Variants in HHAT observed in about 807,000 individuals in gnomAD.
The protein encoded by HHAT is hedgehog acyltransferase, also known as protein-cysteine N-palmitoyltransferase HHAT.
HHAT carries 47 observed loss-of-function variants against 70.8 expected under a neutral mutation model. The ratio of observed to expected loss-of-function variants is 0.66; its 90% CI spans 0.53 to 0.85. The LOEUF is 0.85. Among genes scored for constraint, HHAT ranks in the 40% least tolerant of loss-of-function variants. The pLI is 0.00. For missense variants in HHAT, 609 were observed against 604.8 expected (o/e 1.01, Z -0.07); for synonymous variants, 228 against 247.6 (o/e 0.92, Z 0.74).
Position 210,557,835 on chromosome 1 carries a change from A to G in HHAT, c.1044-30063A>G, listed in dbSNP as rs556135533. 3.8e-4 allele frequency among the ~76,000 whole-genome samples: 58 copies of G among 152,278 alleles called. 2 individuals are homozygous for G. The highest frequency in any genetic ancestry group is 1.3e-3 in the African/African-American group (56 of 41,558). On this transcript the variant is annotated intron_variant, in intron 9 of 11. Transcript: ENST00000261458. ...TGAAATTTGGGTGGGAACACAGCCA[A>G]ACCCTATCACCTGTCAAGGAAGAAG...
chr1:210,421,158 A>G (rs562557942), intron 7 of HHAT, among the ~76,000 whole-genome samples: 55 of 152,312 alleles, frequency 3.6e-4, no homozygotes, highest in Admixed American at 1.2e-3. Context: ...GTGGAACCAC[A>G]AAAGATCCTG....
intron 11 of HHAT, among the ~76,000 whole-genome samples, chr1:210,624,074 TG>T (rs2148875745): frequency 6.6e-6 from 1 of 151,964 alleles, no homozygotes; most frequent in African/African-American, 2.4e-5. Flanking sequence ...CTTTAAGAGG[TG>T]ATTGGATCAT....
intron 11 of HHAT, among the ~76,000 whole-genome samples, chr1:210,625,848 G>A (rs1308925336): frequency 6.6e-6 from 1 of 152,192 alleles, no homozygotes; most frequent in Non-Finnish European, 1.5e-5. Context: ...ACATGAGACT[G>A]GTGCACCAGG....
chr1:210,540,483 A>C (rs1298373180), intron 9 of HHAT, among the ~76,000 whole-genome samples: 1 of 99,928 alleles, frequency 1.0e-5, no homozygotes, highest in Admixed American at 9.6e-5. Flanking sequence ...ACACACATGC[A>C]CACACACGCA....
intron 3 of HHAT, among the ~76,000 whole-genome samples, chr1:210,366,802 TCCTCTTCTGGATTGGGGCTCACG>T (rs1461942779): frequency 2.0e-5 from 3 of 152,162 alleles, no homozygotes; most frequent in Admixed American, 6.5e-5. Flanking sequence ...CTCATCCTGT[TCCTCTTCTGGATTGGGGCTCACG>T]CCTTCCCTGT....
chr1:210,332,125 A>C (rs1242804610), intron 1 of HHAT, among the ~76,000 whole-genome samples: 2 of 152,232 alleles, frequency 1.3e-5, no homozygotes, highest in African/African-American at 4.8e-5. Flanking sequence ...GCTAGCCAAC[A>C]CTTCTCTATG....
At chr1:210,666,022 G>A (rs1678808910) in intron 11 of HHAT, among the ~76,000 whole-genome samples, 4 of 152,152 alleles carry the variant, frequency 2.6e-5, no homozygotes, top group Admixed American at 2.6e-4. Flanking sequence ...TATGGTGCTG[G>A]GTGGCTAGGA....
At chr1:210,358,765 G>C (rs1408172333) in intron 2 of HHAT, among the ~76,000 whole-genome samples, 2 of 151,964 alleles carry the variant, frequency 1.3e-5, no homozygotes, top group Non-Finnish European at 2.9e-5. Flanking sequence ...GTCAGACTAG[G>C]GTGTGTGTGT....
At chr1:210,595,711 G>A (rs967185881) in intron 10 of HHAT, among the ~76,000 whole-genome samples, 3 of 152,152 alleles carry the variant, frequency 2.0e-5, no homozygotes, top group African/African-American at 4.8e-5. Flanking sequence ...TTTCTCTGAT[G>A]GCCAGTGATG....
chr1:210,446,824 C>A (rs1208492468), intron 7 of HHAT, among the ~76,000 whole-genome samples: 1 of 152,228 alleles, frequency 6.6e-6, no homozygotes, highest in East Asian at 1.9e-4. Flanking sequence ...AACCAGCGTT[C>A]TGCATCACCA....
intron 6 of HHAT, among the ~76,000 whole-genome samples, chr1:210,415,311 G>A (rs1251398156): frequency 6.6e-6 from 1 of 152,182 alleles, no homozygotes; most frequent in Non-Finnish European, 1.5e-5. Flanking sequence ...GCTTGTAACA[G>A]ATCTGCTGCC....
rs958275249 is a variant in HHAT at position 210,588,014 on chromosome 1, G to A, written c.1160G>A (p.Cys387Tyr). 1.2e-6 allele frequency: 2 copies of A among 1,613,946 alleles called. No individual in the cohort carries two copies. Among genetic ancestry groups the A allele is most frequent in the African/African-American group, 1.3e-5 (1 of 74,928 alleles). ...CATGGCGGCTACGACTACCTCTGGT[G>A]CTGGGCAGCGCTCAACTGGCTGGGA... The part of the protein sequence containing the change: ...YWHGGYDYLW[C>Y]WAALNWLGVT... Residue 387 changes from cysteine (C) to tyrosine (Y), a missense_variant, in exon 10 of 12, where the codon TGC becomes TAC. Physicochemically the swap from Cys to Tyr is radical, Grantham distance 194. Coordinates refer to ENST00000261458, the MANE Select transcript of HHAT (RefSeq NM_018194.6).
In HHAT at chr1:210,588,060, C is replaced by T; in HGVS notation, c.1206C>T (p.Val402=). 2 of 1,612,754 alleles carry T rather than the reference C, an allele frequency of 1.2e-6. No homozygotes were observed. The highest frequency in any genetic ancestry group is 2.7e-5 in the African/African-American group (2 of 75,016). ...NWLGVTVENG[V]RRLVETPCIQ... Reference sequence around the variant, plus strand: ...TGGGAGTCACTGTGGAGAATGGAGTCCGGAGGCTGGTGGAGACTCCCTGCA... The same window carrying T: ...TGGGAGTCACTGTGGAGAATGGAGTTCGGAGGCTGGTGGAGACTCCCTGCA... Residue 402 remains valine (V), a synonymous_variant, in exon 10 of 12, where the codon GTC becomes GTT. Coordinates refer to ENST00000261458, the MANE Select transcript of HHAT (RefSeq NM_018194.6).
intron 8 of HHAT, among the ~76,000 whole-genome samples, chr1:210,474,074 T>G (rs2094257521): frequency 6.6e-6 from 1 of 152,206 alleles, no homozygotes; most frequent in South Asian, 2.1e-4. Context: ...ACACTCCATC[T>G]AAAATTTATT....
intron 4 of HHAT, among the ~76,000 whole-genome samples, chr1:210,399,972 C>A (rs983328932): frequency 1.3e-5 from 2 of 152,190 alleles, no homozygotes; most frequent in Non-Finnish European, 2.9e-5. Context: ...TATTTAAAAT[C>A]TCTGGCTTAG....
chr1:210,395,836 T>TATC (rs2091751847), intron 4 of HHAT, among the ~76,000 whole-genome samples: 1 of 152,202 alleles, frequency 6.6e-6, no homozygotes, highest in African/African-American at 2.4e-5. Context: ...TGGGAAAGCA[T>TATC]ATCCATCTAC....
intron 10 of HHAT, 172 bp downstream of exon 10, chr1:210,588,271 A>G (rs1225762486): frequency 6.7e-6 from 4 of 596,386 alleles, no homozygotes; most frequent in African/African-American, 5.6e-5. Context: ...TCTGTAGTGC[A>G]TATATGTGTG....
chr1:210,378,337 C>T (rs913172082), intron 3 of HHAT, among the ~76,000 whole-genome samples: 1 of 152,050 alleles, frequency 6.6e-6, no homozygotes, highest in South Asian at 2.1e-4. Flanking sequence ...TCAAAGTAAA[C>T]AATAAGCAAA....
intron 9 of HHAT, among the ~76,000 whole-genome samples, chr1:210,560,128 G>A (rs903298436): frequency 5.9e-5 from 9 of 152,194 alleles, no homozygotes; most frequent in Admixed American, 2.0e-4. Context: ...CCTCAGTCCT[G>A]AGGCATTCAG....
Sources: gnomAD v4.1 joint callset for allele counts (sites outside exome capture counted in the v4.1 genomes callset) on GRCh38, gnomAD v4.1.1 for gene constraint, MANE v1.5 for transcripts, NCBI Gene and HGNC (gene_info 2026-07-23, HGNC 2026-07-21) for gene names.